Variants in ATAD3A observed in about 807,000 individuals in gnomAD.
The protein encoded by ATAD3A is ATPase family AAA domain-containing protein 3A.
ATAD3A carries 46 observed loss-of-function variants against 73.8 expected under a neutral mutation model. The observed-to-expected ratio is 0.62, with a 90% CI of 0.49 to 0.80. The LOEUF is 0.80. Among genes scored for constraint, ATAD3A ranks in the 30% least tolerant of loss-of-function variants. The pLI is 0.00. For synonymous variants in ATAD3A, 319 were observed against 350.0 expected, an observed-to-expected ratio of 0.91 and a Z score of 0.99; for missense variants, 705 against 838.0, an observed-to-expected ratio of 0.84 and a Z score of 1.96.
chr1:1,526,362 T>C, intron 12 of ATAD3A, 99 bp from the exon 13 acceptor site: 1 of 1,566,700 alleles, frequency 6.4e-7, no homozygotes, highest in South Asian at 1.2e-5. Context: ...TGTCGCCATG[T>C]CCCTGCTCCC....
rs561347903 is a variant in ATAD3A at position 1,520,250 on chromosome 1, C to A, written c.624C>A (p.Arg208=). 4 of 1,612,846 alleles carry A rather than the reference C, an allele frequency of 2.5e-6. No homozygotes were observed. The highest frequency in any genetic ancestry group is 3.3e-5 in the Admixed American group (2 of 60,010). The part of the protein sequence containing the change: ...KAERENADII[R]EQIRLKAAEH... ...AGCGGGAGAATGCAGACATCATCCG[C>A]GAGCAGATCCGCCTGAAGGCGGCCG... Residue 208 remains arginine (R), a synonymous_variant, in exon 6 of 16, where the codon CGC becomes CGA. Coordinates refer to ENST00000378756, the MANE Select transcript of ATAD3A (RefSeq NM_001170535.3). The surrounding 1 kb of genome is among the most constrained non-coding windows in gnomAD (Gnocchi z 4.0).
At chr1:1,519,141 C>T in intron 5 of ATAD3A, 151 bp downstream of exon 5, 2 of 1,522,112 alleles carry the variant, frequency 1.3e-6, no homozygotes, top group South Asian at 1.3e-5. Flanking sequence ...GTGGGGCTGC[C>T]TCTCGGAAGA....
intron 14 of ATAD3A, among the ~76,000 whole-genome samples, 167 bp downstream of exon 14, chr1:1,528,029 A>T (rs1427377124): frequency 2.7e-5 from 4 of 149,408 alleles, no homozygotes; most frequent in Non-Finnish European, 5.9e-5. Context: ...ACACGATCTC[A>T]GCTGACTGCA....
At chr1:1,525,888 A>C (rs1203669373) in intron 12 of ATAD3A, among the ~76,000 whole-genome samples, 2 of 152,074 alleles carry the variant, frequency 1.3e-5, no homozygotes, top group Admixed American at 1.3e-4. Flanking sequence ...TTGTAATTTT[A>C]GTAGAGATGG....
chr1:1,532,043 C>T lies in ATAD3A; in HGVS notation c.1615-1883C>T, dbSNP rs912967528. On this transcript the variant is annotated intron_variant, in intron 15 of 15. Transcript: ENST00000378756. ...GGTCATGTAGTTTCCTTCCTCCACTCGGCTAATATTGATTGATTTTTGTAT... is the reference window on the plus strand; with the variant it reads ...GGTCATGTAGTTTCCTTCCTCCACTTGGCTAATATTGATTGATTTTTGTAT... Among the ~76,000 whole-genome samples, 13 of 152,276 alleles carry T rather than the reference C, an allele frequency of 8.5e-5. No homozygotes were observed. The South Asian group carries it at 1.9e-3, about 22-fold the overall frequency.
chr1:1,516,989 A>C, intron 2 of ATAD3A: 1 of 1,236,510 alleles, frequency 8.1e-7, no homozygotes. Flanking sequence ...TGGGATTATA[A>C]GCGAGAGCCG....
In ATAD3A at chr1:1,517,413, G is replaced by T. The variant is rs1394640737; in HGVS notation, c.384+1G>T. The T allele has an allele frequency of 6.6e-7, 1 of 1,518,940 alleles. No individual in the cohort carries two copies. Among genetic ancestry groups the T allele is most frequent in the African/African-American group, 1.5e-5 (1 of 65,866 alleles). 94.1% of individuals were successfully genotyped at this position (1,518,940 alleles called of 1,614,324 possible). A position where few individuals can be genotyped will look rare whatever the true frequency, so the allele number is the denominator to read the frequency against. On this transcript the variant is annotated splice_donor_variant, in intron 3 of 15. Transcript: ENST00000378756. LOFTEE classifies it high-confidence loss of function. ...CGAGGAGACCCGGCAGCACCAGGCC[G>T]TAAGAGCGCAAGAGGCCGCGAGGGA...
rs753590640 is a variant in ATAD3A, at chr1:1,533,946, G to A, written c.1635G>A (p.Glu545=). Residue 545 remains glutamate, a synonymous_variant, in exon 16 of 16, where the codon GAG becomes GAA. Transcript: ENST00000378756. ...VSWQATAYAS[E]DGVLTEAMMD... is the part of the protein sequence containing the mutation. ...ACTAGGCCACGGCGTATGCCTCCGA[G>A]GACGGGGTCCTGACCGAGGCCATGA... 81 of 1,613,096 alleles carry A rather than the reference G, an allele frequency of 5.0e-5. No homozygotes were observed. Among genetic ancestry groups the A allele is most frequent in the Non-Finnish European group, 6.7e-5 (79 of 1,179,914 alleles).
At chr1:1,522,544 C>T (rs1480154971) in intron 7 of ATAD3A, among the ~76,000 whole-genome samples, 200 bp from the exon 8 acceptor site, 2 of 152,216 alleles carry the variant, frequency 1.3e-5, no homozygotes, top group East Asian at 1.9e-4. Context: ...TGAGTGAGGG[C>T]GCTGTGACTG....
At chr1:1,521,086 T>C (rs899380262) in intron 7 of ATAD3A, among the ~76,000 whole-genome samples, 3 of 151,348 alleles carry the variant, frequency 2.0e-5, no homozygotes, top group African/African-American at 7.3e-5. Context: ...GATCACGATA[T>C]CGGGATCGAG....
At chr1:1,518,753 C>T (rs554586713) in intron 4 of ATAD3A, among the ~76,000 whole-genome samples, 168 bp from the exon 5 acceptor site, 234 of 150,866 alleles carry the variant, frequency 1.6e-3, no homozygotes, top group South Asian at 0.011. Context: ...TGGGCACAGT[C>T]ACCCGCCTGC....
rs1397291896 is a variant in ATAD3A, at chr1:1,517,084, C to G, written c.283-227C>G. ...GTCCAAAAGGGGGTGTCCGGCCTCC[C>G]TCCCGGGGGGCCTTCGCGGGCTTCT... On this transcript the variant is annotated intron_variant, in intron 2 of 15. Coordinates refer to ENST00000378756, the MANE Select transcript of ATAD3A (RefSeq NM_001170535.3). The G allele has an allele frequency of 4.1e-5, 62 of 1,522,244 alleles. 2 individuals are homozygous for G. In the South Asian group the frequency reaches 7.2e-4, roughly 18 times the overall value. The allele number at this position is 1,522,244 out of a possible 1,614,324, so 94.3% of individuals were successfully genotyped here. A position where few individuals can be genotyped will look rare whatever the true frequency, so the allele number is the denominator to read the frequency against.
At chr1:1,518,384 C>A (rs925232781) in intron 4 of ATAD3A, among the ~76,000 whole-genome samples, 1 of 148,238 alleles carries the variant, frequency 6.7e-6, no homozygotes, top group African/African-American at 2.5e-5. Context: ...CAGGCGCACA[C>A]CCACACACAC....
At chr1:1,525,338 A>C (rs200032986) in intron 12 of ATAD3A, 47 bp downstream of exon 12, 3 of 1,610,818 alleles carry the variant, frequency 1.9e-6, no homozygotes, top group Admixed American at 1.7e-5. Flanking sequence ...TGGGGTGGGC[A>C]CAGCCGTCTG....
rs754628175 is a variant in ATAD3A, at chr1:1,526,514, G to C, written c.1320G>C (p.Thr440=). The C allele has an allele frequency of 2.5e-6, 4 of 1,611,510 alleles. No homozygotes were observed. The African/African-American group carries it at 4.1e-5, about 16-fold the overall frequency. The change falls in exon 13 of 16, where the codon ACG becomes ACC. Residue 440 remains threonine, a synonymous_variant. Coordinates refer to ENST00000378756, the MANE Select transcript of ATAD3A (RefSeq NM_001170535.3). ...CACTGAACGCCTTCCTGTACCGCAC[G>C]GGCCAGCACAGCAACAAGTGAGGGA... The part of the protein sequence containing the change: ...RATLNAFLYR[T]GQHSNKFMLV...
At position 1,520,031 on chromosome 1, in the gene ATAD3A, TG is replaced by T. The variant is rs1641526432; in HGVS notation, c.515-108del. 2 of 1,484,686 alleles carry T rather than the reference TG, an allele frequency of 1.3e-6. No individual in the cohort carries two copies. Among genetic ancestry groups the T allele is most frequent in the Admixed American group, 2.1e-5 (1 of 48,564 alleles). The allele number at this position is 1,484,686 out of a possible 1,614,324, so 92.0% of individuals were successfully genotyped here. On this transcript the variant is annotated intron_variant, in intron 5 of 15. Transcript: ENST00000378756. The surrounding 1 kb of genome is among the most constrained non-coding windows in gnomAD (Gnocchi z 4.0). ...CGTGGCATGGGCCTGTCTGTGGCGTTGGTCTGTCCGTGGCGTGGGCCGGTCC... is the reference window on the plus strand; with the variant it reads ...CGTGGCATGGGCCTGTCTGTGGCGTTGTCTGTCCGTGGCGTGGGCCGGTCC...
Position 1,523,489 on chromosome 1 carries a change from G to A in ATAD3A, c.907-22G>A, listed in dbSNP as rs1051186807. On this transcript the variant is annotated intron_variant, in intron 8 of 15. Transcript: ENST00000378756. The surrounding 1 kb of genome is among the most constrained non-coding windows in gnomAD (Gnocchi z 5.1). The stretch of plus-strand genomic sequence containing the variant: ...TGGCTGTGGCAGGTGACCCGATGGC[G>A]CTTCCCCTTCCCCTCCGGCAGGTCA... 9 of 1,608,782 alleles carry A rather than the reference G, an allele frequency of 5.6e-6. No homozygotes were observed. The highest frequency in any genetic ancestry group is 2.2e-5 in the South Asian group (2 of 90,434).
chr1:1,516,183 T>C lies in ATAD3A; in HGVS notation c.282+95T>C, dbSNP rs372999388. On this transcript the variant is annotated intron_variant, in intron 2 of 15. Transcript: ENST00000378756. ...TACTGCCGGTGGGTAGGGCCGGGGGTGTGTACATGGGCAGCAGTGGGGCCC... is the reference window on the plus strand; with the variant it reads ...TACTGCCGGTGGGTAGGGCCGGGGGCGTGTACATGGGCAGCAGTGGGGCCC... 20 of 1,572,376 alleles carry C rather than the reference T, an allele frequency of 1.3e-5. 1 individual carries two copies. Among genetic ancestry groups the C allele is most frequent in the African/African-American group, 4.1e-5 (3 of 73,692 alleles).
At chr1:1,516,746 C>T (rs187364822) in intron 2 of ATAD3A, among the ~76,000 whole-genome samples, 83 of 151,866 alleles carry the variant, frequency 5.5e-4, no homozygotes, top group Non-Finnish European at 8.4e-4. Context: ...TAGACAGAGT[C>T]TTAGTCTGTC....
Sources: gnomAD v4.1 joint callset for allele counts (sites outside exome capture counted in the v4.1 genomes callset) on GRCh38, gnomAD v4.1.1 for gene constraint, Gnocchi (gnomAD v3.1) non-coding constraint, MANE v1.5 for transcripts, NCBI Gene and HGNC (gene_info 2026-07-23, HGNC 2026-07-21) for gene names.